Variants in KAZN observed in about 807,000 individuals in gnomAD.
The protein encoded by KAZN is kazrin.
A neutral mutation model predicts 87.4 loss-of-function variants in KAZN; 40 were observed. The observed-to-expected ratio is 0.46, with a 90% CI of 0.36 to 0.60. The LOEUF (loss-of-function observed/expected upper bound fraction) is 0.60, where lower values mean the gene tolerates loss of function less well. KAZN is among the 20% of genes least tolerant of loss of function. The pLI, the probability that KAZN is intolerant of heterozygous loss-of-function variation, is 0.00. For synonymous variants in KAZN, 466 were observed against 458.3 expected, an observed-to-expected ratio of 1.02 and a Z score of -0.22; for missense variants, 898 against 1,073.9, an observed-to-expected ratio of 0.84 and a Z score of 2.29.
At chr1:14,817,215 C>T (rs1646594244) in intron 1 of KAZN, among the ~76,000 whole-genome samples, 1 of 152,178 alleles carries the variant, frequency 6.6e-6, no homozygotes, top group African/African-American at 2.4e-5. Context: ...ATGTACTGTG[C>T]AGCATATATC....
At chr1:14,976,056 A>T (rs1361209551) in intron 2 of KAZN, among the ~76,000 whole-genome samples, 1 of 150,672 alleles carries the variant, frequency 6.6e-6, no homozygotes, top group Non-Finnish European at 1.5e-5. Context: ...AAAAAAAAGC[A>T]AAGAAAGTAC....
intron 1 of KAZN, among the ~76,000 whole-genome samples, chr1:14,785,539 T>C (rs1168245394): frequency 6.6e-6 from 1 of 152,024 alleles, no homozygotes; most frequent in Non-Finnish European, 1.5e-5. Context: ...TTACTCCCTC[T>C]CCCCAGTGAC....
chr1:14,612,006 CAGGT>C (rs1310600368), intron 1 of KAZN, among the ~76,000 whole-genome samples: 1 of 152,056 alleles, frequency 6.6e-6, no homozygotes, highest in Non-Finnish European at 1.5e-5. Context: ...TTTATAAAAA[CAGGT>C]AGCTCTGAGG....
chr1:14,424,101 CAG>C (rs1665581267), intron 2 of KAZN, among the ~76,000 whole-genome samples: 1 of 152,198 alleles, frequency 6.6e-6, no homozygotes, highest in Admixed American at 6.5e-5. Flanking sequence ...ACACAATCCA[CAG>C]AGTCCCAACT....
At chr1:14,971,661 GTTTTTTTTTTTTTCTTTTTCTTT>G (rs1265806441) in intron 2 of KAZN, among the ~76,000 whole-genome samples, 21 of 116,542 alleles carry the variant, frequency 1.8e-4, no homozygotes, top group East Asian at 7.8e-4. Flanking sequence ...ACCAGGAGTT[GTTTTTTTTTTTTTCTTTTTCTTT>G]TTTTTTTTTT....
chr1:14,883,589 G>A (rs912025428), intron 1 of KAZN, among the ~76,000 whole-genome samples: 50 of 150,780 alleles, frequency 3.3e-4, no homozygotes, highest in African/African-American at 1.2e-3. Flanking sequence ...CTCACCTCCC[G>A]CCTACCCAAT....
intron 2 of KAZN, among the ~76,000 whole-genome samples, chr1:14,534,170 C>T (rs1259084409): frequency 1.3e-5 from 2 of 152,182 alleles, no homozygotes; most frequent in African/African-American, 4.8e-5. Flanking sequence ...ACTAAGGATT[C>T]ACACAATGCC....
intron 1 of KAZN, among the ~76,000 whole-genome samples, chr1:14,623,794 A>G (rs564043558): frequency 6.6e-6 from 1 of 151,758 alleles, no homozygotes; most frequent in African/African-American, 2.4e-5. Context: ...CTGATAGTTT[A>G]TTAGGGACTC....
chr1:14,195,730 G>C (rs1042721964), intron 2 of KAZN, among the ~76,000 whole-genome samples: 2 of 152,044 alleles, frequency 1.3e-5, no homozygotes, highest in Admixed American at 6.5e-5. Context: ...CAGAACACAG[G>C]CCCTTCATTC....
intron 13 of KAZN, among the ~76,000 whole-genome samples, chr1:15,109,352 G>C (rs1023591969): frequency 6.6e-6 from 1 of 152,138 alleles, no homozygotes; most frequent in Non-Finnish European, 1.5e-5. Context: ...CTGGGCAACA[G>C]AGCGAGACCC....
At chr1:14,117,621 G>T (rs144879053) in intron 1 of KAZN, among the ~76,000 whole-genome samples, 1 of 152,198 alleles carries the variant, frequency 6.6e-6, no homozygotes, top group East Asian at 1.9e-4. Context: ...GGGTGGGGAG[G>T]TAAAAGGAAA....
intron 1 of KAZN, among the ~76,000 whole-genome samples, chr1:14,871,991 G>A (rs938131640): frequency 6.6e-6 from 1 of 152,106 alleles, no homozygotes; most frequent in African/African-American, 2.4e-5. Flanking sequence ...CCAGAAGAAG[G>A]GGGCATGAAT....
intron 2 of KAZN, among the ~76,000 whole-genome samples, chr1:14,980,259 TTTG>T (rs1210799671): frequency 1.3e-5 from 2 of 152,152 alleles, no homozygotes; most frequent in Non-Finnish European, 2.9e-5. Context: ...GGCCGTATCA[TTTG>T]TTGTTTAAAC....
At position 15,116,129 on chromosome 1, in the gene KAZN, G is replaced by T. The variant is rs1416061957; in HGVS notation, c.*1494G>T. On this transcript the variant is annotated 3_prime_UTR_variant, in exon 15 of 15. Transcript: ENST00000376030. ...ATGATTAGGGAAGGACGGATGCATT[G>T]CGATTCTGCTTACACATCGGGTTAT... 2 of 152,172 alleles carry T rather than the reference G, an allele frequency of 1.3e-5. No individual in the cohort carries two copies. Among genetic ancestry groups the T allele is most frequent in the Non-Finnish European group, 2.9e-5 (2 of 68,034 alleles). The allele number at this position is 152,172 out of a possible 1,614,324, so 9.4% of individuals were successfully genotyped here. A position where few individuals can be genotyped will look rare whatever the true frequency, so the allele number is the denominator to read the frequency against.
chr1:14,646,966 G>T lies in KAZN; in HGVS notation c.226+47743G>T, dbSNP rs186666546. Among the ~76,000 whole-genome samples the T allele has an allele frequency of 3.1e-3, 477 of 152,230 alleles. 1 individual carries two copies. Among genetic ancestry groups the T allele is most frequent in the Non-Finnish European group, 5.3e-3 (363 of 68,000 alleles). On this transcript the variant is annotated intron_variant, in intron 1 of 14. Coordinates refer to ENST00000376030, the MANE Select transcript of KAZN (RefSeq NM_201628.3). ...GGAGCTTCTGCTCCAGCACGTGGAT[G>T]GGGGAAGCCCTTACCTTCTCCATAT...
intron 2 of KAZN, among the ~76,000 whole-genome samples, chr1:14,591,162 T>A (rs968332490): frequency 6.9e-6 from 1 of 145,524 alleles, no homozygotes; most frequent in African/African-American, 2.5e-5. Flanking sequence ...TGCTGGAAAA[T>A]CAAATAGTGC....
chr1:14,039,327 G>T (rs1641702617), intron 1 of KAZN, among the ~76,000 whole-genome samples: 1 of 152,184 alleles, frequency 6.6e-6, no homozygotes, highest in Non-Finnish European at 1.5e-5. Flanking sequence ...CCTATGAGCT[G>T]CCCTCTTATC....
At chr1:14,616,725 C>T (rs949267900) in intron 1 of KAZN, among the ~76,000 whole-genome samples, 1 of 152,294 alleles carries the variant, frequency 6.6e-6, no homozygotes, top group South Asian at 2.1e-4. Flanking sequence ...CTTGGAGCTG[C>T]GATCTCAGGG....
chr1:14,231,523 C>T (rs12742276), intron 2 of KAZN, among the ~76,000 whole-genome samples: 31,250 of 152,142 alleles, frequency 0.21, 3,949 homozygotes, highest in Admixed American at 0.33. Context: ...GAGCCAATGA[C>T]AGAATCAAAA....
Sources: allele counts gnomAD v4.1 joint callset (sites outside exome capture counted in the v4.1 genomes callset), GRCh38; gene constraint gnomAD v4.1.1; transcripts MANE v1.5; gene names NCBI Gene and HGNC (gene_info 2026-07-23, HGNC 2026-07-21).